Variants in ABCC8 observed in about 807,000 individuals in gnomAD.
The protein encoded by ABCC8 is ATP binding cassette subfamily C member 8.
ABCC8 carries 137 observed loss-of-function variants against 188.0 expected under a neutral mutation model. The ratio of observed to expected loss-of-function variants is 0.73; its 90% CI spans 0.63 to 0.84. ABCC8 has a LOEUF of 0.84. Among genes scored for constraint, ABCC8 ranks in the 40% least tolerant of loss-of-function variants. The pLI, the probability that ABCC8 is intolerant of heterozygous loss-of-function variation, is 0.00. For missense variants in ABCC8, 1,750 were observed against 2,072.7 expected, an observed-to-expected ratio of 0.84 and a Z score of 3.02; for synonymous variants, 797 against 846.5, an observed-to-expected ratio of 0.94 and a Z score of 1.01.
chr11:17,450,901 C>T (rs568363086), intron 7 of ABCC8, among the ~76,000 whole-genome samples: 43 of 144,462 alleles, frequency 3.0e-4, no homozygotes, highest in Non-Finnish European at 5.9e-4. Flanking sequence ...GTTGGTCAGG[C>T]TGGTCTCAAA....
intron 6 of ABCC8, among the ~76,000 whole-genome samples, chr11:17,459,244 A>G (rs888150298): frequency 1.3e-5 from 2 of 152,260 alleles, no homozygotes; most frequent in Admixed American, 1.3e-4. Context: ...GGATAGTTTT[A>G]GGGATTAAAT....
At chr11:17,464,584 G>A (rs970425324) in intron 3 of ABCC8, among the ~76,000 whole-genome samples, 1 of 152,212 alleles carries the variant, frequency 6.6e-6, no homozygotes, top group African/African-American at 2.4e-5. Context: ...AGCCTCACAC[G>A]CAGCGGGTGC....
At chr11:17,429,829 A>T (rs1245366052) in intron 12 of ABCC8, 1 of 152,224 alleles carries the variant, frequency 6.6e-6, no homozygotes, top group East Asian at 1.9e-4. Flanking sequence ...CTGTTTAACC[A>T]GCTACTGCCT....
rs1450620994 is a variant in ABCC8 at position 17,454,077 on chromosome 11, A to G, written c.1012-794T>C. ...CACATCAATATTTCCATGAAGACAG[A>G]TCTCTGCTCTTTCTCAGACACTGCC... On this transcript the variant is annotated intron_variant, in intron 6 of 38. Transcript: ENST00000389817. Among the ~76,000 whole-genome samples, 3 of 152,122 alleles carry G rather than the reference A, an allele frequency of 2.0e-5. No homozygotes were observed. The East Asian group carries it at 5.8e-4, about 29-fold the overall frequency.
At chr11:17,426,382 C>T (rs137966851) in intron 16 of ABCC8, among the ~76,000 whole-genome samples, 47 of 152,314 alleles carry the variant, frequency 3.1e-4, no homozygotes, top group Non-Finnish European at 4.9e-4. Flanking sequence ...ACCATTCTAA[C>T]GGGTGTGAGA....
intron 2 of ABCC8, among the ~76,000 whole-genome samples, chr11:17,471,203 A>AG (rs1331212895): frequency 2.6e-5 from 4 of 152,114 alleles, no homozygotes; most frequent in African/African-American, 9.7e-5. Context: ...GATGGTATGG[A>AG]GGGGGCTGCC....
intron 10 of ABCC8, among the ~76,000 whole-genome samples, chr11:17,440,339 C>A (rs1235935526): frequency 1.3e-5 from 2 of 152,202 alleles, no homozygotes; most frequent in Non-Finnish European, 2.9e-5. Flanking sequence ...GGGCTATACA[C>A]AAGCAGGGGG....
rs904271750 is a variant in ABCC8, at chr11:17,393,759, C to T, written c.4546G>A (p.Glu1516Lys). ...EATASIDMATENILQKVVMTA... is the reference protein window; with the variant it reads ...EATASIDMATKNILQKVVMTA... Reference sequence around the variant, plus strand: ...ATCACCACCTTTTGGAGGATGTTTTCCTGCCAAGTGGGGGCAACAGCTGTT... The same window carrying T: ...ATCACCACCTTTTGGAGGATGTTTTTCTGCCAAGTGGGGGCAACAGCTGTT... Residue 1516 changes from glutamate to lysine, a missense_variant and splice_region_variant, in exon 38 of 39, where the codon GAA (glutamate) becomes AAA (lysine). Transcript: ENST00000389817. 1.2e-6 allele frequency: 2 copies of T among 1,614,126 alleles called. No individual in the cohort carries two copies. The highest frequency in any genetic ancestry group is 1.7e-6 in the Non-Finnish European group (2 of 1,179,952).
chr11:17,461,330 C>T, intron 5 of ABCC8: 1 of 549,956 alleles, frequency 1.8e-6, no homozygotes, highest in Non-Finnish European at 3.3e-6. Flanking sequence ...CCTCAGTTTC[C>T]CCATCTGGAT....
In ABCC8 at chr11:17,404,756, T is replaced by G; in HGVS notation, c.3400-87A>C. 2 of 1,528,956 alleles carry G rather than the reference T, an allele frequency of 1.3e-6. No individual in the cohort carries two copies. Among genetic ancestry groups the G allele is most frequent in the Non-Finnish European group, 1.8e-6 (2 of 1,129,524 alleles). 94.7% of individuals were successfully genotyped at this position (1,528,956 alleles called of 1,614,324 possible). On this transcript the variant is annotated intron_variant, in intron 27 of 38. Transcript: ENST00000389817. This position sits in a 1 kb window ranked among gnomAD's most constrained non-coding sequence, Gnocchi z 4.7. ...ACTGGCCGCCATGTTTTGCTCTCAC[T>G]TTATTTTTTGATCCTTTATTTTTTT...
rs1033612498 is a variant in ABCC8, at chr11:17,405,879, G to A, written c.3330-316C>T. On this transcript the variant is annotated intron_variant, in intron 26 of 38. Coordinates refer to ENST00000389817, the MANE Select transcript of ABCC8 (RefSeq NM_000352.6). ...CCTCTCCAGAGGGACAACCTGCCAAGAGGAACAGGGCCCTGGGGACAGCCT... is the reference window on the plus strand; with the variant it reads ...CCTCTCCAGAGGGACAACCTGCCAAAAGGAACAGGGCCCTGGGGACAGCCT... Among the ~76,000 whole-genome samples, 50 of 152,256 alleles carry A rather than the reference G, an allele frequency of 3.3e-4. 1 individual carries two copies. The highest frequency in any genetic ancestry group is 1.2e-3 in the African/African-American group (50 of 41,470).
chr11:17,407,591 A>G, intron 23 of ABCC8, 138 bp from the exon 24 acceptor site: 9 of 1,455,684 alleles, frequency 6.2e-6, no homozygotes, highest in Non-Finnish European at 8.4e-6. Context: ...GGGCAGACAG[A>G]CACACATTCA....
Position 17,463,510 on chromosome 11 carries a change from G to A in ABCC8, c.507C>T (p.Phe169=), listed in dbSNP as rs755745806. ...DHAIGFSQLR[F]CLTGLLVILY... ...GGATCACCAGCAGCCCTGTGAGGCA[G>A]AAGCGTAGCTGCGAGAAGCCGATGG... Residue 169 remains phenylalanine, a synonymous_variant, in exon 4 of 39, where the codon TTC becomes TTT. Coordinates refer to ENST00000389817, the MANE Select transcript of ABCC8 (RefSeq NM_000352.6). The A allele has an allele frequency of 1.9e-6, 3 of 1,602,068 alleles. No homozygotes were observed. The Admixed American group carries it at 5.2e-5, about 28-fold the overall frequency.
intron 10 of ABCC8, among the ~76,000 whole-genome samples, chr11:17,437,234 C>G (rs2133575065): frequency 6.6e-6 from 1 of 152,186 alleles, no homozygotes; most frequent in South Asian, 2.1e-4. Context: ...ACCCTTGCCC[C>G]ATACAAAACG....
chr11:17,450,310 CTTTCTTTCTTTCTT>C lies in ABCC8; in HGVS notation c.1177-1653_1177-1640del, dbSNP rs1564959303. On this transcript the variant is annotated intron_variant, in intron 7 of 38. Transcript: ENST00000389817. ...TCTTTCTTTCTTTCTTTCTTTCTTTCTTTCTTTCTTTCTTTCTCTCTCTCTCTTTCCTTTCTTTC... is the reference window on the plus strand; with the variant it reads ...TCTTTCTTTCTTTCTTTCTTTCTTTCTCTCTCTCTCTCTTTCCTTTCTTTC... 1.6e-3 allele frequency among the ~76,000 whole-genome samples: 199 copies of C among 125,738 alleles called. 1 individual carries two copies. The highest frequency in any genetic ancestry group is 6.3e-3 in the African/African-American group (182 of 28,904). The allele number at this position is 125,738 out of a possible 152,430, so 82.5% of individuals were successfully genotyped here.
At chr11:17,417,744 ATT>A (rs1307120890) in intron 16 of ABCC8, among the ~76,000 whole-genome samples, 2 of 151,908 alleles carry the variant, frequency 1.3e-5, no homozygotes, top group African/African-American at 2.4e-5. Flanking sequence ...CCATAGTAGT[ATT>A]TTCTCTCTCT....
chr11:17,416,294 T>A (rs1955070683), intron 17 of ABCC8, among the ~76,000 whole-genome samples: 1 of 152,190 alleles, frequency 6.6e-6, no homozygotes, highest in African/African-American at 2.4e-5. Flanking sequence ...GCCTCATTAA[T>A]CTATATCACT....
At position 17,413,255 on chromosome 11, in the gene ABCC8, T is replaced by C. The variant is rs1954902198; in HGVS notation, c.2475+139A>G. On this transcript the variant is annotated intron_variant, in intron 20 of 38. Transcript: ENST00000389817. ...TCAAAGGACATCATCAAGAACAACATGTTTGACCTTACTGCAGGCAACTCT... is the reference window on the plus strand; with the variant it reads ...TCAAAGGACATCATCAAGAACAACACGTTTGACCTTACTGCAGGCAACTCT... 6.0e-6 allele frequency: 8 copies of C among 1,329,634 alleles called. No individual in the cohort carries two copies. The Admixed American group carries it at 1.1e-4, about 18-fold the overall frequency. 82.4% of individuals were successfully genotyped at this position (1,329,634 alleles called of 1,614,324 possible).
chr11:17,417,596 C>A (rs1955144951), intron 16 of ABCC8, among the ~76,000 whole-genome samples: 1 of 152,182 alleles, frequency 6.6e-6, no homozygotes, highest in Non-Finnish European at 1.5e-5. Context: ...ACCTCTCAAC[C>A]TTCCAGAAGC....
Sources: allele counts gnomAD v4.1 joint callset (sites outside exome capture counted in the v4.1 genomes callset), GRCh38; gene constraint gnomAD v4.1.1; non-coding constraint Gnocchi (gnomAD v3.1); transcripts MANE v1.5; gene names NCBI Gene and HGNC (gene_info 2026-07-23, HGNC 2026-07-21).